The following ADAM12 variants were observed in gnomAD, a reference collection of about 807,000 sequenced individuals.
ADAM12 encodes disintegrin and metalloproteinase domain-containing protein 12.
In ADAM12, 70 loss-of-function variants were observed where a neutral mutation model predicts 106.4. That is an observed-to-expected ratio of 0.66 (90% CI 0.54 to 0.80). ADAM12 has a LOEUF of 0.80. Among genes scored for constraint, ADAM12 ranks in the 30% least tolerant of loss-of-function variants. ADAM12 has a pLI of 0.00. For synonymous variants in ADAM12, 420 were observed against 433.5 expected (o/e 0.97, Z 0.39); for missense variants, 1,010 against 1,171.9 (o/e 0.86, Z 2.02).
In ADAM12 at chr10:126,178,805, A is replaced by G. The variant is rs543865952; in HGVS notation, c.261-23500T>C. ...CTCACGCCTGTAATCCCAGCACTTT[A>G]GGAGGCCGAGGTGGGTGGTTCACCT... is the stretch of plus-strand genomic sequence containing the variant. On this transcript the variant is annotated intron_variant, in intron 3 of 22. Coordinates refer to ENST00000448723, the MANE Select transcript of ADAM12 (RefSeq NM_001288973.2). 1.2e-4 allele frequency among the ~76,000 whole-genome samples: 19 copies of G among 152,120 alleles called. No homozygotes were observed. In the South Asian group the frequency reaches 3.9e-3, roughly 32 times the overall value.
chr10:126,208,340 C>T (rs893464654), intron 3 of ADAM12, among the ~76,000 whole-genome samples: 2 of 152,040 alleles, frequency 1.3e-5, no homozygotes, highest in East Asian at 1.9e-4. Context: ...CCAGTGCAGC[C>T]CCCAGCAACA....
intron 3 of ADAM12, among the ~76,000 whole-genome samples, chr10:126,167,815 C>T (rs898326): frequency 0.1 from 15,453 of 152,144 alleles, 2,284 homozygotes; most frequent in African/African-American, 0.32. Context: ...TGGGAGGACA[C>T]GTGACAACTG....
chr10:126,019,510 T>G (rs1953720251), intron 22 of ADAM12, among the ~76,000 whole-genome samples, 185 bp downstream of exon 22: 1 of 152,210 alleles, frequency 6.6e-6, no homozygotes. Flanking sequence ...ATGCCTGTGA[T>G]TATAAGCTCA....
At chr10:126,249,515 C>T (rs1319468425) in intron 3 of ADAM12, among the ~76,000 whole-genome samples, 1 of 152,110 alleles carries the variant, frequency 6.6e-6, no homozygotes, top group Non-Finnish European at 1.5e-5. Flanking sequence ...CTGGCTAACA[C>T]CGTGAAACCC....
intron 1 of ADAM12, among the ~76,000 whole-genome samples, chr10:126,361,883 T>C (rs1855757635): frequency 6.6e-6 from 1 of 152,180 alleles, no homozygotes; most frequent in African/African-American, 2.4e-5. Context: ...AGGCAATTTT[T>C]TTTTAGATTT....
intron 2 of ADAM12, among the ~76,000 whole-genome samples, chr10:126,315,215 T>G (rs542750464): frequency 1.3e-5 from 2 of 152,316 alleles, no homozygotes; most frequent in Admixed American, 1.3e-4. Context: ...AAAATGTACA[T>G]GTGTTGTCTT....
chr10:126,134,220 A>T (rs970120716), intron 5 of ADAM12, among the ~76,000 whole-genome samples: 7 of 149,406 alleles, frequency 4.7e-5, no homozygotes, highest in African/African-American at 1.5e-4. Flanking sequence ...AAATGCTTTT[A>T]AAAAAATGCA....
intron 5 of ADAM12, among the ~76,000 whole-genome samples, chr10:126,119,138 G>A (rs1956040491): frequency 6.6e-6 from 1 of 152,212 alleles, no homozygotes; most frequent in South Asian, 2.1e-4. Context: ...CTTGGAGGCT[G>A]AGGTCCGGCC....
intron 3 of ADAM12, among the ~76,000 whole-genome samples, chr10:126,162,105 C>A (rs950202055): frequency 6.6e-6 from 1 of 152,148 alleles, no homozygotes; most frequent in Non-Finnish European, 1.5e-5. Flanking sequence ...GAATAAGATG[C>A]TCCAGGAGGC....
chr10:126,346,387 T>C (rs908339308), intron 1 of ADAM12, among the ~76,000 whole-genome samples: 8 of 152,180 alleles, frequency 5.3e-5, no homozygotes, highest in African/African-American at 1.4e-4. Context: ...GTCTGAGAGA[T>C]AGTTTGTTAT....
intron 4 of ADAM12, among the ~76,000 whole-genome samples, chr10:126,144,949 C>T (rs532319154): frequency 5.3e-5 from 8 of 152,154 alleles, no homozygotes; most frequent in African/African-American, 1.9e-4. Context: ...GGCTTGTGAT[C>T]CTAACCTTGA....
intron 3 of ADAM12, 22 bp downstream of exon 3, chr10:126,278,893 C>T (rs1213450320): frequency 5.1e-6 from 8 of 1,568,550 alleles, no homozygotes; most frequent in Non-Finnish European, 7.0e-6. Context: ...TCCTATCATG[C>T]AATAAACAAG....
intron 2 of ADAM12, among the ~76,000 whole-genome samples, chr10:126,306,852 A>G (rs1488210819): frequency 2.6e-5 from 4 of 152,146 alleles, no homozygotes; most frequent in Non-Finnish European, 1.5e-5. Context: ...TTTTCTTTGC[A>G]TTTACTCTAA....
chr10:126,337,816 GCTTT>G (rs1246723923), intron 1 of ADAM12, among the ~76,000 whole-genome samples: 1 of 152,090 alleles, frequency 6.6e-6, no homozygotes, highest in Non-Finnish European at 1.5e-5. Flanking sequence ...GCTCTTGCTG[GCTTT>G]CTTTGAGTGC....
intron 3 of ADAM12, among the ~76,000 whole-genome samples, chr10:126,234,140 C>G (rs543826548): frequency 2.0e-5 from 3 of 152,100 alleles, no homozygotes; most frequent in Admixed American, 6.5e-5. Flanking sequence ...ACAAAGAAAA[C>G]CACCAGGGAG....
At chr10:126,036,116 C>CATCCT in intron 21 of ADAM12, 30 bp downstream of exon 21, 1 of 1,367,226 alleles carries the variant, frequency 7.3e-7, no homozygotes, top group Non-Finnish European at 9.5e-7. Flanking sequence ...ATTTGAACTA[C>CATCCT]ATCCTATCAT....
At chr10:126,310,743 G>A (rs1474221596) in intron 2 of ADAM12, among the ~76,000 whole-genome samples, 1 of 152,120 alleles carries the variant, frequency 6.6e-6, no homozygotes, top group African/African-American at 2.4e-5. Context: ...TCAATGGGAA[G>A]GTACAAAAGA....
rs569102198 is a variant in ADAM12 at position 126,034,673 on chromosome 10, CA to C, written c.2529+1472del. Among the ~76,000 whole-genome samples, 21 of 152,248 alleles carry C rather than the reference CA, an allele frequency of 1.4e-4. 1 individual carries two copies. In the South Asian group the frequency reaches 3.3e-3, roughly 24 times the overall value. On this transcript the variant is annotated intron_variant, in intron 21 of 22. Coordinates refer to ENST00000448723, the MANE Select transcript of ADAM12 (RefSeq NM_001288973.2). ...TATGCTGTCTACAAGAAACGCTTTT[CA>C]AATGTAATTCCATAGGTATGTTAAA...
At chr10:126,107,259 A>AG (rs1175912587) in intron 8 of ADAM12, among the ~76,000 whole-genome samples, 1 of 152,164 alleles carries the variant, frequency 6.6e-6, no homozygotes, top group Non-Finnish European at 1.5e-5. Context: ...GGCCCTGGGA[A>AG]GAAGTAAGTG....
Sources: allele counts gnomAD v4.1 joint callset (sites outside exome capture counted in the v4.1 genomes callset), GRCh38; gene constraint gnomAD v4.1.1; transcripts MANE v1.5; gene names NCBI Gene and HGNC (gene_info 2026-07-23, HGNC 2026-07-21).